Variants in TRAK1 observed in about 807,000 individuals in gnomAD.
The protein encoded by TRAK1 is trafficking kinesin protein 1, also known as trafficking kinesin-binding protein 1.
TRAK1 carries 33 observed loss-of-function variants against 92.1 expected under a neutral mutation model. The ratio of observed to expected loss-of-function variants is 0.36; its 90% confidence interval spans 0.27 to 0.48. The LOEUF (loss-of-function observed/expected upper bound fraction) is 0.48, where lower values mean the gene tolerates loss of function less well. TRAK1 is among the 20% of genes least tolerant of loss of function. TRAK1 has a pLI of 0.99. For synonymous variants in TRAK1, 521 were observed against 517.3 expected, an observed-to-expected ratio of 1.01 and a Z score of -0.10; for missense variants, 1,123 against 1,257.9, an observed-to-expected ratio of 0.89 and a Z score of 1.62.
intron 14 of TRAK1, chr3:42,218,559 A>G (rs1367815455): frequency 4.1e-6 from 4 of 985,052 alleles, no homozygotes; most frequent in Non-Finnish European, 4.8e-6. Flanking sequence ...TGAGTTATGA[A>G]TGAGGATGAC....
intron 1 of TRAK1, among the ~76,000 whole-genome samples, chr3:42,039,848 T>C (rs1702468735): frequency 6.6e-6 from 1 of 152,168 alleles, no homozygotes; most frequent in African/African-American, 2.4e-5. Context: ...CAGCAGTGTA[T>C]TATGGTTTCA....
At chr3:42,136,714 G>T (rs1698007897) in intron 2 of TRAK1, among the ~76,000 whole-genome samples, 1 of 151,840 alleles carries the variant, frequency 6.6e-6, no homozygotes, top group Admixed American at 6.6e-5. Context: ...ATGAAGTCTG[G>T]CTCTGTTGCC....
At chr3:42,173,501 C>G (rs888628587) in intron 2 of TRAK1, among the ~76,000 whole-genome samples, 1 of 152,208 alleles carries the variant, frequency 6.6e-6, no homozygotes, top group Non-Finnish European at 1.5e-5. Flanking sequence ...AGCCCCTTGG[C>G]TTGGATAGAG....
chr3:42,172,360 T>G (rs1489946946), intron 2 of TRAK1, among the ~76,000 whole-genome samples: 1 of 152,166 alleles, frequency 6.6e-6, no homozygotes, highest in East Asian at 1.9e-4. Flanking sequence ...GTTGTCCCAG[T>G]GAGAAGCCCT....
At chr3:42,219,648 T>G in intron 15 of TRAK1, 52 bp downstream of exon 15, 3 of 1,592,218 alleles carry the variant, frequency 1.9e-6, no homozygotes, top group Non-Finnish European at 2.6e-6. Context: ...GTCAGGGCAC[T>G]CCCTTCCCTG....
chr3:42,197,275 C>T (rs575648892), intron 10 of TRAK1, among the ~76,000 whole-genome samples: 24 of 152,070 alleles, frequency 1.6e-4, no homozygotes, highest in Non-Finnish European at 2.5e-4. Context: ...ATACCAAATC[C>T]TTCAATGCCT....
intron 3 of TRAK1, among the ~76,000 whole-genome samples, chr3:42,182,508 GTC>G: frequency 6.6e-6 from 1 of 152,258 alleles, no homozygotes; most frequent in South Asian, 2.1e-4. Flanking sequence ...GGCCAGGCTG[GTC>G]TCAAACTCCT....
At chr3:42,111,509 T>C (rs532998712) in intron 1 of TRAK1, among the ~76,000 whole-genome samples, 9 of 152,078 alleles carry the variant, frequency 5.9e-5, no homozygotes, top group African/African-American at 1.4e-4. Flanking sequence ...CATTACCCTG[T>C]CTCAGCCTCC....
At chr3:42,158,225 A>C (rs182556467) in intron 2 of TRAK1, among the ~76,000 whole-genome samples, 237 of 152,300 alleles carry the variant, frequency 1.6e-3, no homozygotes, top group African/African-American at 5.5e-3. Context: ...TTATGAGTAA[A>C]GTCACTTGAT....
chr3:42,045,816 C>T (rs1456347262), intron 1 of TRAK1, among the ~76,000 whole-genome samples: 1 of 152,196 alleles, frequency 6.6e-6, no homozygotes, highest in Non-Finnish European at 1.5e-5. Flanking sequence ...CTGGCTACCA[C>T]CCTTAGCCAA....
chr3:42,014,364 C>G (rs779249554), intron 1 of TRAK1, among the ~76,000 whole-genome samples: 1 of 152,172 alleles, frequency 6.6e-6, no homozygotes, highest in Non-Finnish European at 1.5e-5. Flanking sequence ...CTCCGGCACT[C>G]CGAGGTGACA....
chr3:42,213,238 G>T (rs1193843482), intron 14 of TRAK1, among the ~76,000 whole-genome samples: 2 of 151,824 alleles, frequency 1.3e-5, no homozygotes, highest in African/African-American at 4.8e-5. Context: ...TTGTATTTTT[G>T]TAGAGACAGG....
intron 2 of TRAK1, 145 bp downstream of exon 2, chr3:42,125,759 G>GTTTCCCATCATAGGGAATGCC: frequency 1.2e-6 from 1 of 856,196 alleles, no homozygotes. Context: ...GGCTGTAGGG[G>GTTTCCCATCATAGGGAATGCC]TTAACCGCAC....
upstream of TRAK1, among the ~76,000 whole-genome samples, chr3:42,088,388 C>T (rs371742607): frequency 3.0e-4 from 45 of 152,280 alleles, no homozygotes; most frequent in African/African-American, 9.1e-4. Flanking sequence ...GTGTTGTCCT[C>T]CGCTTGTGAC....
upstream of TRAK1, among the ~76,000 whole-genome samples, chr3:42,084,371 A>C (rs60093297): frequency 0.012 from 1,890 of 152,344 alleles, 42 homozygotes; most frequent in African/African-American, 0.044. Flanking sequence ...AGGCTCAGGC[A>C]GGAGGATCAC....
chr3:42,174,518 G>A (rs1253409903), intron 2 of TRAK1, among the ~76,000 whole-genome samples: 1 of 151,722 alleles, frequency 6.6e-6, no homozygotes, highest in African/African-American at 2.4e-5. Context: ...ATGGAGTCCT[G>A]CCCTGCTGCC....
chr3:42,189,121 C>T lies in TRAK1; in HGVS notation c.687C>T (p.Ser229=), dbSNP rs141503991. The T allele has an allele frequency of 1.2e-4, 196 of 1,611,004 alleles. 2 individuals are homozygous for T. The African/African-American group carries it at 2.0e-3, about 17-fold the overall frequency. Residue 229 remains serine, a synonymous_variant, in exon 6 of 16, where the codon TCC becomes TCT. Coordinates refer to ENST00000327628, the MANE Select transcript of TRAK1 (RefSeq NM_001042646.3). The part of the protein sequence containing the change: ...DLEEENVVLR[S]EASQLKTETI... ...AAGAGGAGAATGTTGTACTTCGATC[C>T]GAGGTGATGTGCCCTCCCTTCTCTT...
intron 14 of TRAK1, chr3:42,211,724 A>T (rs372020273): frequency 1.0e-6 from 1 of 985,402 alleles, no homozygotes. Flanking sequence ...TGGAGGATAG[A>T]GAGAGAGAAG....
At chr3:42,064,057 A>G (rs1455283926) in intron 1 of TRAK1, among the ~76,000 whole-genome samples, 1 of 152,212 alleles carries the variant, frequency 6.6e-6, no homozygotes, top group African/African-American at 2.4e-5. Flanking sequence ...CTTTCAGAGC[A>G]CTAGAGATGG....
Sources: allele counts gnomAD v4.1 joint callset (sites outside exome capture counted in the v4.1 genomes callset), GRCh38; gene constraint gnomAD v4.1.1; transcripts MANE v1.5; gene names NCBI Gene and HGNC (gene_info 2026-07-23, HGNC 2026-07-21).